Variants in KPNA6 observed in about 807,000 individuals in gnomAD.
The protein encoded by KPNA6 is importin subunit alpha-7.
A neutral mutation model predicts 72.0 loss-of-function variants in KPNA6; 9 were observed. The ratio of observed to expected loss-of-function variants is 0.13; its 90% CI spans 0.08 to 0.22. The LOEUF is 0.22. Ranked by LOEUF, KPNA6 falls within the 10% of genes least tolerant of loss-of-function variation. The probability of loss-of-function intolerance (pLI) is 1.00; values close to 1 mark genes in which losing one functional copy is unlikely to be tolerated. For missense variants in KPNA6, 374 were observed against 655.7 expected (o/e 0.57, Z 4.69); for synonymous variants, 219 against 242.1 (o/e 0.90, Z 0.89).
At chr1:32,109,894 G>T (rs1238564674) in intron 1 of KPNA6, among the ~76,000 whole-genome samples, 1 of 151,754 alleles carries the variant, frequency 6.6e-6, no homozygotes, top group African/African-American at 2.4e-5. Context: ...CTGACCTCGT[G>T]ATCCTCCCGC....
chr1:32,108,083 A>AGCTGCCGCCGTT lies in KPNA6; in HGVS notation c.-45_-34dup. 6.2e-7 allele frequency: 1 copy of AGCTGCCGCCGTT among 1,613,788 alleles called. No homozygotes were observed. Reference sequence around the variant, plus strand: ...ATTGTCTACTGAAAGCTGCCGCTGAAGCTGCCGCCGTTGCCTCCGCCGCCA... The same window carrying AGCTGCCGCCGTT: ...ATTGTCTACTGAAAGCTGCCGCTGAAGCTGCCGCCGTTGCTGCCGCCGTTGCCTCCGCCGCCA... On this transcript the variant is annotated 5_prime_UTR_variant, in exon 1 of 14. Coordinates refer to ENST00000373625, the MANE Select transcript of KPNA6 (RefSeq NM_012316.5).
chr1:32,119,019 TATATATA>T (rs1641381545), intron 1 of KPNA6, among the ~76,000 whole-genome samples: 14 of 77,806 alleles, frequency 1.8e-4, no homozygotes, highest in African/African-American at 8.5e-4. Context: ...TATATATATA[TATATATA>T]TATATATTTT....
intron 1 of KPNA6, among the ~76,000 whole-genome samples, chr1:32,154,146 CAA>C (rs960270047): frequency 2.9e-5 from 4 of 136,068 alleles, no homozygotes; most frequent in African/African-American, 1.1e-4. Context: ...GACCCTGTCT[CAA>C]AAAAAAAAAA....
At chr1:32,128,575 T>G (rs1431246711) in intron 1 of KPNA6, among the ~76,000 whole-genome samples, 4 of 151,228 alleles carry the variant, frequency 2.6e-5, no homozygotes, top group African/African-American at 9.7e-5. Flanking sequence ...TTTCCTAGAG[T>G]GATTACTGTT....
intron 1 of KPNA6, among the ~76,000 whole-genome samples, chr1:32,144,401 G>A (rs1464411802): frequency 6.6e-6 from 1 of 152,170 alleles, no homozygotes; most frequent in East Asian, 1.9e-4. Flanking sequence ...TCAGACCACT[G>A]TTGTCCATGG....
chr1:32,141,598 T>C (rs1641839756), intron 1 of KPNA6, among the ~76,000 whole-genome samples: 1 of 151,764 alleles, frequency 6.6e-6, no homozygotes, highest in Admixed American at 6.6e-5. Context: ...GATTTCACCA[T>C]GTTAGCCAGG....
In KPNA6 at chr1:32,176,526, A is replaced by G. The variant is rs377387768; in HGVS notation, c.*5632A>G. The G allele has an allele frequency of 6.6e-6, 1 of 152,282 alleles. No homozygotes were observed. Among genetic ancestry groups the G allele is most frequent in the East Asian group, 1.9e-4 (1 of 5,196 alleles). 9.4% of individuals were successfully genotyped at this position (152,282 alleles called of 1,614,324 possible). ...ATTTCTTTAGGTTTCAAACACTGTAATAGATATAAAGCAAAAATAAAAACC... is the reference window on the plus strand; with the variant it reads ...ATTTCTTTAGGTTTCAAACACTGTAGTAGATATAAAGCAAAAATAAAAACC... On this transcript the variant is annotated 3_prime_UTR_variant, in exon 14 of 14. Coordinates refer to ENST00000373625, the MANE Select transcript of KPNA6 (RefSeq NM_012316.5).
intron 10 of KPNA6, 43 bp from the exon 11 acceptor site, chr1:32,166,060 AAC>A (rs766755213): frequency 3.2e-6 from 5 of 1,554,868 alleles, no homozygotes; most frequent in Middle Eastern, 3.4e-4. Context: ...AAAAATTAAA[AAC>A]AGTTTAATTT....
intron 10 of KPNA6, among the ~76,000 whole-genome samples, chr1:32,165,740 G>T (rs1642320480): frequency 6.6e-6 from 1 of 152,018 alleles, no homozygotes; most frequent in African/African-American, 2.4e-5. Context: ...GCTCACACCT[G>T]TAATCCCAAC....
chr1:32,154,957 A>G (rs1642109817), intron 2 of KPNA6, among the ~76,000 whole-genome samples: 2 of 152,062 alleles, frequency 1.3e-5, no homozygotes, highest in Non-Finnish European at 1.5e-5. Flanking sequence ...CTAAAAATAC[A>G]GAAATTAGCC....
Position 32,157,571 on chromosome 1 carries a change from G to A in KPNA6, c.331+126G>A. 8 of 650,316 alleles carry A rather than the reference G, an allele frequency of 1.2e-5. 1 individual carries two copies. The Admixed American group carries it at 2.1e-4, about 17-fold the overall frequency. 40.3% of individuals were successfully genotyped at this position (650,316 alleles called of 1,614,324 possible). On this transcript the variant is annotated intron_variant, in intron 4 of 13. Coordinates refer to ENST00000373625, the MANE Select transcript of KPNA6 (RefSeq NM_012316.5). ...AGCCCTACTGACCTTGGTGTTGCTT[G>A]TACAAGATAGACACATTGCTACCTT...
At chr1:32,170,578 G>T in intron 13 of KPNA6, 129 bp from the exon 14 acceptor site, 1 of 731,740 alleles carries the variant, frequency 1.4e-6, no homozygotes, top group Non-Finnish European at 2.3e-6. Context: ...TCAGGTCCAA[G>T]AGTGATCTGA....
intron 1 of KPNA6, among the ~76,000 whole-genome samples, chr1:32,125,643 C>T (rs1641518197): frequency 6.8e-6 from 1 of 147,996 alleles, no homozygotes; most frequent in Non-Finnish European, 1.5e-5. Context: ...ACCATTCTAA[C>T]GTCTTAACTT....
chr1:32,116,148 T>A (rs949944376), intron 1 of KPNA6, among the ~76,000 whole-genome samples: 2 of 151,990 alleles, frequency 1.3e-5, no homozygotes, highest in Non-Finnish European at 2.9e-5. Context: ...CCACTAAAAG[T>A]TTATCCATAT....
intron 1 of KPNA6, among the ~76,000 whole-genome samples, chr1:32,141,294 C>G (rs1641831196): frequency 7.2e-6 from 1 of 139,810 alleles, no homozygotes; most frequent in Non-Finnish European, 1.5e-5. Flanking sequence ...CTATGGCAAT[C>G]TTGCTACTCA....
At chr1:32,121,206 T>C (rs188444111) in intron 1 of KPNA6, among the ~76,000 whole-genome samples, 84 of 152,266 alleles carry the variant, frequency 5.5e-4, no homozygotes, top group Non-Finnish European at 9.1e-4. Flanking sequence ...GTGGTAGTCC[T>C]GGCAGGAGAT....
chr1:32,120,588 A>T (rs1476948541), intron 1 of KPNA6, among the ~76,000 whole-genome samples: 3 of 151,300 alleles, frequency 2.0e-5, no homozygotes, highest in African/African-American at 7.3e-5. Context: ...TTTTTTTGAG[A>T]TGGAGTATAG....
At chr1:32,129,046 C>G (rs1345886245) in intron 1 of KPNA6, among the ~76,000 whole-genome samples, 1 of 152,094 alleles carries the variant, frequency 6.6e-6, no homozygotes, top group Non-Finnish European at 1.5e-5. Context: ...AGTACCACAC[C>G]ACTTCCAATG....
intron 12 of KPNA6, among the ~76,000 whole-genome samples, chr1:32,167,959 A>G (rs1224098499): frequency 2.6e-5 from 4 of 152,148 alleles, no homozygotes; most frequent in African/African-American, 9.7e-5. Flanking sequence ...TAAACCCAGG[A>G]GTTCAAGACT....
Sources: allele counts gnomAD v4.1 joint callset (sites outside exome capture counted in the v4.1 genomes callset), GRCh38; gene constraint gnomAD v4.1.1; transcripts MANE v1.5; gene names NCBI Gene and HGNC (gene_info 2026-07-23, HGNC 2026-07-21).